Variants in GABRG3 observed in about 807,000 individuals in gnomAD.
The protein encoded by GABRG3 is gamma-aminobutyric acid receptor subunit gamma-3.
GABRG3 carries 25 observed loss-of-function variants against 48.8 expected under a neutral mutation model. That is an observed-to-expected ratio of 0.51 (90% CI 0.37 to 0.72). GABRG3 has a LOEUF of 0.72. GABRG3 is among the 30% of genes least tolerant of loss of function. The pLI is 0.00. For missense variants in GABRG3, 394 were observed against 577.9 expected (o/e 0.68, Z 3.26); for synonymous variants, 227 against 217.6 (o/e 1.04, Z -0.38).
intron 3 of GABRG3, among the ~76,000 whole-genome samples, chr15:27,110,303 C>A (rs189811446): frequency 1.3e-5 from 2 of 152,164 alleles, no homozygotes; most frequent in Non-Finnish European, 2.9e-5. Context: ...CAGTGTATTC[C>A]TTATTTCTCC....
chr15:27,178,708 T>C (rs1023869070), intron 3 of GABRG3, among the ~76,000 whole-genome samples: 1 of 152,182 alleles, frequency 6.6e-6, no homozygotes, highest in African/African-American at 2.4e-5. Context: ...AAGGGTGTGA[T>C]CTAATGGTCA....
intron 3 of GABRG3, among the ~76,000 whole-genome samples, chr15:27,106,587 A>G (rs1394307889): frequency 1.3e-5 from 2 of 151,970 alleles, no homozygotes; most frequent in African/African-American, 4.8e-5. Context: ...AAGAGCAGAA[A>G]CTAATGCAAG....
At chr15:27,097,004 CTA>C (rs1271028746) in intron 3 of GABRG3, among the ~76,000 whole-genome samples, 5 of 113,838 alleles carry the variant, frequency 4.4e-5, no homozygotes, top group Non-Finnish European at 7.0e-5. Flanking sequence ...CCATACCCGG[CTA>C]TTTTTTTTTT....
intron 3 of GABRG3, among the ~76,000 whole-genome samples, chr15:27,146,008 C>G (rs1349722781): frequency 6.6e-6 from 1 of 151,998 alleles, no homozygotes; most frequent in East Asian, 1.9e-4. Flanking sequence ...CTATATCCAA[C>G]AAAGTGATCC....
At chr15:27,395,367 CT>C (rs1248940847) in intron 5 of GABRG3, among the ~76,000 whole-genome samples, 4 of 152,108 alleles carry the variant, frequency 2.6e-5, no homozygotes, top group African/African-American at 9.7e-5. Flanking sequence ...CACTTGAAGA[CT>C]TGTACATATT....
intron 3 of GABRG3, 64 bp downstream of exon 3, chr15:27,026,885 G>A: frequency 2.7e-6 from 3 of 1,123,272 alleles, no homozygotes; most frequent in Non-Finnish European, 3.8e-6. Flanking sequence ...CATTCTCATT[G>A]TGGATTTCTG....
intron 3 of GABRG3, among the ~76,000 whole-genome samples, chr15:27,306,499 A>C (rs1892461528): frequency 7.2e-6 from 1 of 138,720 alleles, no homozygotes; most frequent in Non-Finnish European, 1.5e-5. Context: ...TAATATAAAC[A>C]TATGTCTATA....
At chr15:27,292,863 A>G (rs1225948784) in intron 3 of GABRG3, among the ~76,000 whole-genome samples, 6 of 152,186 alleles carry the variant, frequency 3.9e-5, no homozygotes, top group Non-Finnish European at 7.3e-5. Flanking sequence ...AAAAGAAATC[A>G]GGACTATTTC....
chr15:27,257,924 A>G (rs1330904589), intron 3 of GABRG3, among the ~76,000 whole-genome samples: 1 of 111,076 alleles, frequency 9.0e-6, no homozygotes, highest in Non-Finnish European at 2.0e-5. Flanking sequence ...TCAAAGTGTT[A>G]TAGACGTGAG....
chr15:27,222,172 G>T (rs1341315492), intron 3 of GABRG3, among the ~76,000 whole-genome samples: 1 of 152,204 alleles, frequency 6.6e-6, no homozygotes, highest in African/African-American at 2.4e-5. Context: ...TGCTACACCT[G>T]GGTGGAATCA....
intron 2 of GABRG3, among the ~76,000 whole-genome samples, chr15:26,981,474 GTCA>G (rs758721045): frequency 1.3e-5 from 2 of 152,206 alleles, no homozygotes; most frequent in Non-Finnish European, 2.9e-5. Context: ...TATGTATCCT[GTCA>G]TCAATGGATG....
chr15:27,428,655 C>G (rs1357300033), intron 5 of GABRG3, among the ~76,000 whole-genome samples: 2 of 152,238 alleles, frequency 1.3e-5, no homozygotes, highest in East Asian at 3.9e-4. Flanking sequence ...CCAGTTTAAC[C>G]TGATATTTTC....
chr15:27,480,576 C>A, intron 5 of GABRG3, 74 bp from the exon 6 acceptor site: 1 of 1,323,336 alleles, frequency 7.6e-7, no homozygotes, highest in Non-Finnish European at 1.0e-6. Context: ...ATTCATTGAT[C>A]AGAATTATAA....
At chr15:27,376,839 C>G (rs147141285) in intron 5 of GABRG3, among the ~76,000 whole-genome samples, 2 of 152,138 alleles carry the variant, frequency 1.3e-5, no homozygotes, top group Non-Finnish European at 1.5e-5. Flanking sequence ...GATTAACATT[C>G]GACTCCTCAT....
chr15:27,448,138 A>G lies in GABRG3; in HGVS notation c.575-32512A>G, dbSNP rs190377432. ...CAAACACGTTTTTTTTAAAAAAAGG[A>G]CAAATGGGTGACAACTGATATTTTT... On this transcript the variant is annotated intron_variant, in intron 5 of 9. Transcript: ENST00000615808. Among the ~76,000 whole-genome samples, 436 of 152,264 alleles carry G rather than the reference A, an allele frequency of 2.9e-3. 1 individual carries two copies. The highest frequency in any genetic ancestry group is 6.8e-3 in the Middle Eastern group (2 of 294).
chr15:27,213,702 A>G (rs1227589170), intron 3 of GABRG3, among the ~76,000 whole-genome samples: 6 of 152,232 alleles, frequency 3.9e-5, no homozygotes, highest in Admixed American at 3.9e-4. Flanking sequence ...GAGCTTCTTA[A>G]AGGAAATCAT....
At chr15:27,083,759 C>T (rs963105620) in intron 3 of GABRG3, among the ~76,000 whole-genome samples, 1 of 152,160 alleles carries the variant, frequency 6.6e-6, no homozygotes, top group Non-Finnish European at 1.5e-5. Context: ...TGTCACAAAG[C>T]CCCAGGTACC....
At chr15:27,358,491 C>G (rs1032420423) in intron 5 of GABRG3, among the ~76,000 whole-genome samples, 1 of 152,100 alleles carries the variant, frequency 6.6e-6, no homozygotes, top group South Asian at 2.1e-4. Context: ...GGGCTGGTGG[C>G]ATGGTCAGTA....
intron 3 of GABRG3, among the ~76,000 whole-genome samples, chr15:27,139,744 T>G (rs769466229): frequency 3.9e-5 from 6 of 152,160 alleles, no homozygotes; most frequent in Non-Finnish European, 2.9e-5. Flanking sequence ...GAAATGTGTT[T>G]TGTATGCTAA....
Sources: allele counts gnomAD v4.1 joint callset (sites outside exome capture counted in the v4.1 genomes callset), GRCh38; gene constraint gnomAD v4.1.1; transcripts MANE v1.5; gene names NCBI Gene and HGNC (gene_info 2026-07-23, HGNC 2026-07-21).